The following CACNG4 variants were observed in gnomAD, a reference collection of about 807,000 sequenced individuals.
The protein encoded by CACNG4 is voltage-dependent calcium channel gamma-4 subunit.
A neutral mutation model predicts 22.9 loss-of-function variants in CACNG4; 8 were observed. The ratio of observed to expected loss-of-function variants is 0.35; its 90% CI spans 0.21 to 0.63. The LOEUF (loss-of-function observed/expected upper bound fraction) is 0.63, where lower values mean the gene tolerates loss of function less well. Among genes scored for constraint, CACNG4 ranks in the 30% least tolerant of loss-of-function variants. CACNG4 has a pLI of 0.72. For synonymous variants in CACNG4, 188 were observed against 191.9 expected, an observed-to-expected ratio of 0.98 and a Z score of 0.17; for missense variants, 357 against 455.4, an observed-to-expected ratio of 0.78 and a Z score of 1.97.
chr17:67,024,846 A>C lies in CACNG4; in HGVS notation c.305-14A>C, dbSNP rs931911150. 6.6e-7 allele frequency: 1 copy of C among 1,518,550 alleles called. No individual in the cohort carries two copies. Among genetic ancestry groups the C allele is most frequent in the African/African-American group, 1.4e-5 (1 of 71,062 alleles). The allele number at this position is 1,518,550 out of a possible 1,614,324, so 94.1% of individuals were successfully genotyped here. ...CACTGCCCTCTGCTTTGTGCCCCCC[A>C]CCTCCCCGGCCAGGCATCGTGCGAG... On this transcript the variant is annotated splice_polypyrimidine_tract_variant and intron_variant, in intron 2 of 3. Transcript: ENST00000262138.
Position 67,032,181 on chromosome 17 carries a change from C to G in CACNG4, c.*1177C>G. ...AGTGAGTTTGGATAAACGGACCGAG[C>G]TGGGCTTCTCTTCCTCCCTACAGAG... On this transcript the variant is annotated 3_prime_UTR_variant, in exon 4 of 4. Transcript: ENST00000262138. 1 of 364,870 alleles carries G rather than the reference C, an allele frequency of 2.7e-6. No individual in the cohort carries two copies. Among genetic ancestry groups the G allele is most frequent in the Non-Finnish European group, 5.4e-6 (1 of 184,876 alleles). 22.6% of individuals were successfully genotyped at this position (364,870 alleles called of 1,614,324 possible).
chr17:66,988,372 A>G (rs1009520380), intron 1 of CACNG4, among the ~76,000 whole-genome samples: 1 of 152,220 alleles, frequency 6.6e-6, no homozygotes, highest in African/African-American at 2.4e-5. Context: ...GCCGGCAAGC[A>G]GGAGAGGAAA....
chr17:67,029,564 G>A (rs1367867858), intron 3 of CACNG4, among the ~76,000 whole-genome samples: 1 of 152,112 alleles, frequency 6.6e-6, no homozygotes, highest in African/African-American at 2.4e-5. Context: ...AACCCGGGAG[G>A]CGGAGGTTGC....
chr17:66,981,729 T>G (rs2035274789), intron 1 of CACNG4, among the ~76,000 whole-genome samples: 1 of 152,100 alleles, frequency 6.6e-6, no homozygotes, highest in Admixed American at 6.6e-5. Flanking sequence ...CTGTTTAGAG[T>G]CCAGAATTAT....
intron 1 of CACNG4, among the ~76,000 whole-genome samples, chr17:66,968,915 C>T (rs2035187983): frequency 6.6e-6 from 1 of 151,402 alleles, no homozygotes; most frequent in Non-Finnish European, 1.5e-5. Flanking sequence ...TCTCCTTCCA[C>T]TGTGTGCTAG....
chr17:66,983,084 T>A (rs1487069381), intron 1 of CACNG4, among the ~76,000 whole-genome samples: 2 of 152,180 alleles, frequency 1.3e-5, no homozygotes, highest in Non-Finnish European at 2.9e-5. Context: ...TGGCTTCAGA[T>A]TCCATTCTCT....
chr17:67,016,330 A>G (rs893063754), intron 1 of CACNG4, among the ~76,000 whole-genome samples: 8 of 151,868 alleles, frequency 5.3e-5, no homozygotes, highest in African/African-American at 1.9e-4. Flanking sequence ...CTGCCTCCCC[A>G]CCATCCTGCC....
chr17:66,985,454 G>C (rs1211388301), intron 1 of CACNG4, among the ~76,000 whole-genome samples: 2 of 152,208 alleles, frequency 1.3e-5, no homozygotes, highest in African/African-American at 4.8e-5. Flanking sequence ...TCAGGGTGAG[G>C]CTTGTGATGT....
At chr17:66,992,618 C>T (rs2035348021) in intron 1 of CACNG4, among the ~76,000 whole-genome samples, 1 of 152,216 alleles carries the variant, frequency 6.6e-6, no homozygotes, top group Non-Finnish European at 1.5e-5. Flanking sequence ...CGAGGCATCC[C>T]ATGGCTCCCC....
chr17:67,008,428 C>A (rs1039933585), intron 1 of CACNG4, among the ~76,000 whole-genome samples: 5 of 152,028 alleles, frequency 3.3e-5, no homozygotes, highest in Non-Finnish European at 7.4e-5. Flanking sequence ...AAGAAGGGGA[C>A]CTCTAAGGGA....
chr17:66,979,621 T>C (rs2035259007), intron 1 of CACNG4, among the ~76,000 whole-genome samples: 1 of 152,170 alleles, frequency 6.6e-6, no homozygotes, highest in African/African-American at 2.4e-5. Flanking sequence ...TTCGAACTTC[T>C]GTGATGCAGA....
At chr17:66,977,198 T>C (rs2035243090) in intron 1 of CACNG4, among the ~76,000 whole-genome samples, 1 of 152,114 alleles carries the variant, frequency 6.6e-6, no homozygotes, top group Non-Finnish European at 1.5e-5. Flanking sequence ...AGAAAGAGCT[T>C]GTAAAAATAT....
At chr17:66,989,781 C>G (rs950473918) in intron 1 of CACNG4, among the ~76,000 whole-genome samples, 3 of 151,350 alleles carry the variant, frequency 2.0e-5, no homozygotes, top group Non-Finnish European at 4.4e-5. Flanking sequence ...GTATGTGTCA[C>G]CTCCCTGAAC....
In CACNG4 at chr17:67,011,521, C is replaced by T. The variant is rs1397210098; in HGVS notation, c.221-6668C>T. Among the ~76,000 whole-genome samples, 4 of 152,178 alleles carry T rather than the reference C, an allele frequency of 2.6e-5. 1 individual carries two copies. The East Asian group carries it at 5.8e-4, about 22-fold the overall frequency. On this transcript the variant is annotated intron_variant, in intron 1 of 3. Transcript: ENST00000262138. ...TGTGTCAACAGCCCGCCTTGCCCTG[C>T]TCCACCAGAATGAGAGCTCCGTGAG... is the stretch of plus-strand genomic sequence containing the variant.
At chr17:67,009,397 C>A (rs190860912) in intron 1 of CACNG4, among the ~76,000 whole-genome samples, 3 of 152,134 alleles carry the variant, frequency 2.0e-5, no homozygotes, top group Non-Finnish European at 2.9e-5. Context: ...GGATAGGAGC[C>A]AGTGTCTCCC....
intron 1 of CACNG4, among the ~76,000 whole-genome samples, chr17:66,975,235 A>G (rs983331030): frequency 3.3e-5 from 5 of 151,332 alleles, no homozygotes; most frequent in African/African-American, 1.2e-4. Context: ...TCCCTGGCTC[A>G]CCTGCCACTA....
intron 1 of CACNG4, among the ~76,000 whole-genome samples, chr17:66,973,522 G>C (rs953172450): frequency 6.6e-6 from 1 of 152,172 alleles, no homozygotes; most frequent in African/African-American, 2.4e-5. Context: ...CTGCCTGGCT[G>C]GGGCTCTGTC....
chr17:66,990,499 C>T (rs1598109040), intron 1 of CACNG4, among the ~76,000 whole-genome samples: 1 of 152,248 alleles, frequency 6.6e-6, no homozygotes, highest in Non-Finnish European at 1.5e-5. Context: ...CATCTTAGAA[C>T]TCTGCCTACC....
At chr17:66,991,414 C>G (rs1259959472) in intron 1 of CACNG4, among the ~76,000 whole-genome samples, 1 of 152,178 alleles carries the variant, frequency 6.6e-6, no homozygotes, top group Non-Finnish European at 1.5e-5. Context: ...GAAGCCAGAT[C>G]CCATAAGAGG....
Sources: gnomAD v4.1 joint callset for allele counts (sites outside exome capture counted in the v4.1 genomes callset) on GRCh38, gnomAD v4.1.1 for gene constraint, MANE v1.5 for transcripts, NCBI Gene and HGNC (gene_info 2026-07-23, HGNC 2026-07-21) for gene names.